Variants in PLCB4 observed in about 807,000 individuals in gnomAD.
PLCB4 encodes phospholipase C beta 4, also known as 1-phosphatidylinositol 4,5-bisphosphate phosphodiesterase beta-4.
PLCB4 carries 77 observed loss-of-function variants against 178.8 expected under a neutral mutation model. The ratio of observed to expected loss-of-function variants is 0.43; its 90% CI spans 0.36 to 0.52. PLCB4 has a LOEUF of 0.52. PLCB4 is among the 20% of genes least tolerant of loss of function. PLCB4 has a pLI of 0.00. For synonymous variants in PLCB4, 496 were observed against 490.8 expected, an observed-to-expected ratio of 1.01 and a Z score of -0.14; for missense variants, 1,024 against 1,453.4, an observed-to-expected ratio of 0.70 and a Z score of 4.80.
Position 9,072,092 on chromosome 20 carries a change from A to G in PLCB4, c.-135+2886A>G, listed in dbSNP as rs142582645. Among the ~76,000 whole-genome samples, 228 of 152,320 alleles carry G rather than the reference A, an allele frequency of 1.5e-3. 2 individuals are homozygous for G. The highest frequency in any genetic ancestry group is 5.0e-3 in the African/African-American group (209 of 41,566). ...CATAATATATGAATGTGTAGGCCATATTAGTGTCTGTCAAGGAGACTTATC... is the reference window on the plus strand; with the variant it reads ...CATAATATATGAATGTGTAGGCCATGTTAGTGTCTGTCAAGGAGACTTATC... On this transcript the variant is annotated intron_variant, in intron 1 of 39. Coordinates refer to ENST00000378473, the MANE Select transcript of PLCB4 (RefSeq NM_001377142.1).
At chr20:9,166,105 A>G (rs777622697) in intron 2 of PLCB4, among the ~76,000 whole-genome samples, 12 of 152,184 alleles carry the variant, frequency 7.9e-5, no homozygotes, top group Non-Finnish European at 1.6e-4. Context: ...GATTATGAAT[A>G]TATTATAACC....
chr20:9,419,796 T>C lies in PLCB4; in HGVS notation c.2052-11T>C. ...ACCTACTAATAAACTTCTATGCTATTGTCCTACCAGGTACCTTCTCAAACC... is the reference window on the plus strand; with the variant it reads ...ACCTACTAATAAACTTCTATGCTATCGTCCTACCAGGTACCTTCTCAAACC... On this transcript the variant is annotated splice_polypyrimidine_tract_variant and intron_variant, in intron 25 of 39. Coordinates refer to ENST00000378473, the MANE Select transcript of PLCB4 (RefSeq NM_001377142.1). The C allele has an allele frequency of 6.4e-7, 1 of 1,568,304 alleles. No homozygotes were observed. The highest frequency in any genetic ancestry group is 8.8e-7 in the Non-Finnish European group (1 of 1,138,204).
intron 2 of PLCB4, among the ~76,000 whole-genome samples, chr20:9,158,656 T>C (rs1199945345): frequency 6.6e-6 from 1 of 152,022 alleles, no homozygotes; most frequent in Non-Finnish European, 1.5e-5. Flanking sequence ...AAAACTATTA[T>C]GTGTGCAAAT....
At chr20:9,275,264 C>T (rs146026628) in intron 3 of PLCB4, among the ~76,000 whole-genome samples, 1,797 of 152,084 alleles carry the variant, frequency 0.012, 11 homozygotes, top group Middle Eastern at 0.027. Flanking sequence ...CCCTGATAAA[C>T]CCATCAGATC....
At chr20:9,475,094 A>G (rs958309117) in intron 38 of PLCB4, among the ~76,000 whole-genome samples, 1 of 152,250 alleles carries the variant, frequency 6.6e-6, no homozygotes, top group Non-Finnish European at 1.5e-5. Context: ...GATGCCTTGG[A>G]GAAGGTTTTT....
chr20:9,226,862 C>T (rs1265225327), intron 3 of PLCB4, among the ~76,000 whole-genome samples: 1 of 152,158 alleles, frequency 6.6e-6, no homozygotes, highest in Non-Finnish European at 1.5e-5. Context: ...TGCTCTGTCC[C>T]TGGGACTTTA....
intron 2 of PLCB4, among the ~76,000 whole-genome samples, chr20:9,137,372 A>G (rs2092404560): frequency 6.6e-6 from 1 of 152,120 alleles, no homozygotes; most frequent in Non-Finnish European, 1.5e-5. Flanking sequence ...ATCGTACTCA[A>G]GCCCTAAGGA....
chr20:9,419,794 A>G lies in PLCB4; in HGVS notation c.2052-13A>G, dbSNP rs767102421. ...AAACCTACTAATAAACTTCTATGCT[A>G]TTGTCCTACCAGGTACCTTCTCAAA... On this transcript the variant is annotated splice_polypyrimidine_tract_variant and intron_variant, in intron 25 of 39. Coordinates refer to ENST00000378473, the MANE Select transcript of PLCB4 (RefSeq NM_001377142.1). The G allele has an allele frequency of 1.7e-5, 27 of 1,559,162 alleles. No homozygotes were observed. In the East Asian group the frequency reaches 5.6e-4, roughly 32 times the overall value.
At chr20:9,073,892 T>A (rs4365541) in intron 1 of PLCB4, among the ~76,000 whole-genome samples, 53,486 of 138,960 alleles carry the variant, frequency 0.38, 9,641 homozygotes, top group Admixed American at 0.45. Context: ...TATTAAAAAA[T>A]AATAATAAAA....
At chr20:9,129,106 T>C (rs1236305226) in intron 2 of PLCB4, among the ~76,000 whole-genome samples, 1 of 152,214 alleles carries the variant, frequency 6.6e-6, no homozygotes, top group Non-Finnish European at 1.5e-5. Flanking sequence ...ACCTTTTGGC[T>C]ATTGTGAATA....
chr20:9,206,968 T>C (rs549684425), intron 2 of PLCB4, among the ~76,000 whole-genome samples: 1 of 152,048 alleles, frequency 6.6e-6, no homozygotes, highest in East Asian at 1.9e-4. Context: ...AATACAAAAA[T>C]CACCTGGCAT....
intron 36 of PLCB4, among the ~76,000 whole-genome samples, chr20:9,469,168 A>G (rs909037667): frequency 1.3e-5 from 2 of 152,222 alleles, no homozygotes; most frequent in Middle Eastern, 3.4e-3. Context: ...TTTAGGAGAG[A>G]TGGGGTTTCA....
chr20:9,182,012 A>G (rs992492463), intron 2 of PLCB4, among the ~76,000 whole-genome samples: 29 of 152,236 alleles, frequency 1.9e-4, no homozygotes, highest in African/African-American at 5.8e-4. Context: ...AGCAACAGTC[A>G]TGAGAGTGGG....
intron 1 of PLCB4, among the ~76,000 whole-genome samples, chr20:9,071,017 A>C (rs533973424): frequency 1.2e-4 from 18 of 152,292 alleles, no homozygotes; most frequent in Middle Eastern, 3.4e-3. Context: ...ACTCTATTGG[A>C]AGTTTTATAT....
chr20:9,441,195 CAT>C (rs2148663006), intron 30 of PLCB4, among the ~76,000 whole-genome samples: 1 of 152,224 alleles, frequency 6.6e-6, no homozygotes, highest in South Asian at 2.1e-4. Context: ...TAAAAGGACA[CAT>C]GTGGAGGTAG....
At chr20:9,233,764 G>A (rs1033579004) in intron 3 of PLCB4, among the ~76,000 whole-genome samples, 28 of 152,132 alleles carry the variant, frequency 1.8e-4, no homozygotes, top group African/African-American at 6.5e-4. Flanking sequence ...AAGTCAGAGG[G>A]GTAGACAGCA....
intron 2 of PLCB4, among the ~76,000 whole-genome samples, chr20:9,216,408 G>A (rs1013571017): frequency 1.3e-3 from 193 of 152,082 alleles, no homozygotes; most frequent in Middle Eastern, 0.01. Context: ...TAGTAGAGAC[G>A]GGGTTTCACC....
intron 19 of PLCB4, 93 bp downstream of exon 19, chr20:9,395,711 C>T: frequency 3.4e-6 from 3 of 891,658 alleles, no homozygotes; most frequent in Non-Finnish European, 3.5e-6. Context: ...AGCCCATAAT[C>T]CCAGCACTTG....
chr20:9,294,044 A>G (rs535310251), intron 3 of PLCB4, among the ~76,000 whole-genome samples: 1 of 152,164 alleles, frequency 6.6e-6, no homozygotes, highest in Non-Finnish European at 1.5e-5. Context: ...CGTTTCTTCT[A>G]GAATCCTTGT....
Sources: gnomAD v4.1 joint callset for allele counts (sites outside exome capture counted in the v4.1 genomes callset) on GRCh38, gnomAD v4.1.1 for gene constraint, MANE v1.5 for transcripts, NCBI Gene and HGNC (gene_info 2026-07-23, HGNC 2026-07-21) for gene names.